Variants in SNHG17 observed in about 807,000 individuals in gnomAD.
SNHG17 encodes the protein small nucleolar RNA host gene 17.
At chr20:38,425,463 C>T (rs1050185134) in intron 5 of SNHG17, 39 of 403,994 alleles carry the variant, frequency 9.7e-5, no homozygotes, top group Non-Finnish European at 3.5e-5. Context: ...GCTTCTGATT[C>T]CCAAAGATTT....
exon 5 of SNHG17, chr20:38,426,045 G>C (rs1332626555): frequency 1.7e-5 from 2 of 118,562 alleles, no homozygotes; most frequent in Non-Finnish European, 3.3e-5. Flanking sequence ...GACAGAATGA[G>C]ACCCTGCCTC....
At chr20:38,426,085 A>G (rs1415678477) in intron 4 of SNHG17, 1 of 151,490 alleles carries the variant, frequency 6.6e-6, no homozygotes, top group Non-Finnish European at 1.5e-5. Flanking sequence ...AAAAATCCAT[A>G]AATCACTTCA....
intron 5 of SNHG17, among the ~76,000 whole-genome samples, chr20:38,423,326 G>C (rs1481822986): frequency 6.7e-6 from 1 of 149,410 alleles, no homozygotes; most frequent in Non-Finnish European, 1.5e-5. Context: ...AAGCCCAGGA[G>C]ACAGAGGTTG....
chr20:38,424,837 C>A (rs1419916344), intron 5 of SNHG17, among the ~76,000 whole-genome samples: 1 of 152,184 alleles, frequency 6.6e-6, no homozygotes, highest in Non-Finnish European at 1.5e-5. Context: ...TGTCCTTTGA[C>A]AGGAGCCTCT....
At chr20:38,429,824 G>A in intron 3 of SNHG17, 1 of 515,842 alleles carries the variant, frequency 1.9e-6, no homozygotes, top group Non-Finnish European at 3.9e-6. Context: ...CAGAGGGCAA[G>A]CCCAGAAAGG....
At chr20:38,432,478 G>A (rs1017383480) in intron 2 of SNHG17, among the ~76,000 whole-genome samples, 2 of 152,130 alleles carry the variant, frequency 1.3e-5, no homozygotes, top group Non-Finnish European at 2.9e-5. Context: ...TATCAGCCAT[G>A]CCTAGCTATA....
intron 3 of SNHG17, chr20:38,428,272 A>G (rs2084282727): frequency 6.6e-6 from 1 of 152,228 alleles, no homozygotes; most frequent in Admixed American, 6.5e-5. Context: ...GAAGGCACAG[A>G]AGGAGGGGCC....
At chr20:38,421,560 C>T (rs747349105) in intron 6 of SNHG17, 2 of 152,150 alleles carry the variant, frequency 1.3e-5, no homozygotes, top group Non-Finnish European at 2.9e-5. Context: ...AATGAACCCT[C>T]AGAAGTCAGG....
intron 1 of SNHG17, chr20:38,435,082 A>C: frequency 8.1e-7 from 1 of 1,232,122 alleles, no homozygotes. Context: ...TCCGGCAAAG[A>C]GGACGAGACA....
intron 5 of SNHG17, among the ~76,000 whole-genome samples, chr20:38,424,358 A>G (rs932816369): frequency 8.6e-5 from 13 of 151,830 alleles, no homozygotes; most frequent in Admixed American, 1.3e-4. Context: ...CCTATAGCAT[A>G]TTGTCTCCCC....
intron 1 of SNHG17, chr20:38,434,967 G>A (rs1472289401): frequency 1.6e-5 from 20 of 1,228,558 alleles, no homozygotes; most frequent in Non-Finnish European, 2.0e-5. Flanking sequence ...TGCGCGGACA[G>A]GGGGTCTGAC....
At chr20:38,421,246 G>A (rs1245672350) in intron 6 of SNHG17, 6 of 152,226 alleles carry the variant, frequency 3.9e-5, no homozygotes, top group Non-Finnish European at 8.8e-5. Flanking sequence ...GAAAGGACAT[G>A]AAAGGACAAA....
chr20:38,425,502 G>A lies in SNHG17; in HGVS notation n.579+433C>T, dbSNP rs1417369616. 3 of 361,732 alleles carry A rather than the reference G, an allele frequency of 8.3e-6. No individual in the cohort carries two copies. In the Admixed American group the frequency reaches 1.1e-4, roughly 13 times the overall value. The allele number at this position is 361,732 out of a possible 1,614,324, so 22.4% of individuals were successfully genotyped here. On this transcript the variant is annotated intron_variant and non_coding_transcript_variant, in intron 5 of 8. Transcript: ENST00000654008. ...ACATGGTTTGATTTCCCAAACTTTA[G>A]CATGAATACGAATCACCTGGAGACC... is the stretch of plus-strand genomic sequence containing the variant.
chr20:38,430,038 C>T (rs932606257), intron 3 of SNHG17, among the ~76,000 whole-genome samples: 3 of 152,170 alleles, frequency 2.0e-5, no homozygotes, highest in Admixed American at 6.5e-5. Context: ...CTGGGCTGGC[C>T]GGGTGCAGTG....
chr20:38,430,721 T>C (rs938711620), intron 3 of SNHG17: 1 of 152,358 alleles, frequency 6.6e-6, no homozygotes, highest in Non-Finnish European at 1.5e-5. Context: ...AGCCGGGCAC[T>C]GGGTATGAAT....
rs765781057 is a variant in SNHG17, at chr20:38,426,995, T to TACACACACACACACACACACACAC, written n.381-516_381-493dup. ...CCCTATCCTGTCCCCAAGTTACACA[T>TACACACACACACACACACACACAC]ACACACACACACACACACACACACA... On this transcript the variant is annotated intron_variant and non_coding_transcript_variant, in intron 3 of 8. Transcript: ENST00000654008. Among the ~76,000 whole-genome samples the TACACACACACACACACACACACAC allele has an allele frequency of 5.3e-4, 67 of 125,642 alleles. 1 individual carries two copies. The highest frequency in any genetic ancestry group is 1.8e-3 in the African/African-American group (64 of 35,166). 82.4% of individuals were successfully genotyped at this position (125,642 alleles called of 152,430 possible). A position where few individuals can be genotyped will look rare whatever the true frequency, so the allele number is the denominator to read the frequency against.
chr20:38,431,976 G>T, intron 2 of SNHG17: 4 of 985,288 alleles, frequency 4.1e-6, no homozygotes, highest in Non-Finnish European at 4.8e-6. Flanking sequence ...CAAAGCCCCA[G>T]ATCTCCAGAG....
intron 5 of SNHG17, among the ~76,000 whole-genome samples, chr20:38,423,495 A>G (rs1463789451): frequency 6.8e-6 from 1 of 148,124 alleles, no homozygotes; most frequent in East Asian, 2.1e-4. Flanking sequence ...ATTATGTTAA[A>G]TGAAATAAGC....
intron 1 of SNHG17, chr20:38,434,883 C>A (rs762922699): frequency 8.2e-7 from 1 of 1,212,680 alleles, no homozygotes; most frequent in East Asian, 3.3e-5. Flanking sequence ...TGCCAGGAGT[C>A]GGGGGCGGGC....
Sources: allele counts gnomAD v4.1 joint callset (sites outside exome capture counted in the v4.1 genomes callset), GRCh38; gene constraint gnomAD v4.1.1; transcripts MANE v1.5; gene names NCBI Gene and HGNC (gene_info 2026-07-23, HGNC 2026-07-21).